ARHGEF18: variants seen among roughly 807,000 people sequenced by gnomAD.
ARHGEF18 encodes the protein Rho/Rac guanine nucleotide exchange factor 18.
ARHGEF18 carries 93 observed loss-of-function variants against 155.7 expected under a neutral mutation model. The observed-to-expected ratio is 0.60, with a 90% confidence interval of 0.50 to 0.71. ARHGEF18 has a LOEUF of 0.71. Ranked by LOEUF, ARHGEF18 falls within the 30% of genes least tolerant of loss-of-function variation. The pLI is 0.00. For missense variants in ARHGEF18, 1,593 were observed against 1,816.1 expected (o/e 0.88, Z 2.23); for synonymous variants, 742 against 753.1 (o/e 0.99, Z 0.24).
chr19:7,382,667 A>G, intron 8 of ARHGEF18, 125 bp from the exon 9 acceptor site: 1 of 488,556 alleles, frequency 2.0e-6, no homozygotes, highest in Non-Finnish European at 3.2e-6. Context: ...GGGCCAGGGA[A>G]GGGGTAAGGC....
Position 7,470,064 on chromosome 19 carries a change from AG to A in ARHGEF18, c.3913+38del. The A allele has an allele frequency of 6.2e-7, 1 of 1,611,296 alleles. No individual in the cohort carries two copies. The highest frequency in any genetic ancestry group is 8.5e-7 in the Non-Finnish European group (1 of 1,179,112). The stretch of plus-strand genomic sequence containing the variant: ...CACCCCCTGACATGAGCCCAGTCCC[AG>A]GGCAGCGGGGCTGCGGCACCACCCG... On this transcript the variant is annotated intron_variant, in intron 28 of 28. Coordinates refer to ENST00000668164, the MANE Select transcript of ARHGEF18 (RefSeq NM_001367823.1). The surrounding 1 kb of genome is among the most constrained non-coding windows in gnomAD (Gnocchi z 5.9).
chr19:7,375,498 G>T (rs1367914370), intron 3 of ARHGEF18, among the ~76,000 whole-genome samples: 1 of 152,176 alleles, frequency 6.6e-6, no homozygotes, highest in Non-Finnish European at 1.5e-5. Flanking sequence ...AGATGCAAAT[G>T]TAGCTCCAAC....
intron 10 of ARHGEF18, among the ~76,000 whole-genome samples, chr19:7,431,510 CAAAAAA>C (rs34609858): frequency 1.4e-4 from 7 of 51,294 alleles, no homozygotes; most frequent in African/African-American, 3.2e-4. Context: ...GACTCCATCT[CAAAAAA>C]AAAAAAAAAA....
At chr19:7,406,937 C>T (rs867362289) in intron 10 of ARHGEF18, among the ~76,000 whole-genome samples, 7 of 151,196 alleles carry the variant, frequency 4.6e-5, no homozygotes, top group South Asian at 2.1e-4. Flanking sequence ...TGGTGGCGGG[C>T]GCCTGTAGTC....
rs1969685129 is a variant in ARHGEF18 at position 7,362,789 on chromosome 19, C to T, written c.-102C>T. 1 of 1,234,074 alleles carries T rather than the reference C, an allele frequency of 8.1e-7. No individual in the cohort carries two copies. The highest frequency in any genetic ancestry group is 1.0e-6 in the Non-Finnish European group (1 of 988,064). 76.4% of individuals were successfully genotyped at this position (1,234,074 alleles called of 1,614,324 possible). On this transcript the variant is annotated 5_prime_UTR_variant, in exon 2 of 29. Coordinates refer to ENST00000668164, the MANE Select transcript of ARHGEF18 (RefSeq NM_001367823.1). Reference sequence around the variant, plus strand: ...CCCTCCTTTCTCCACAGGCTCTGAGCCCAAGTCATGTGTCCAGCCTTTTGA... The same window carrying T: ...CCCTCCTTTCTCCACAGGCTCTGAGTCCAAGTCATGTGTCCAGCCTTTTGA...
intron 1 of ARHGEF18, among the ~76,000 whole-genome samples, chr19:7,360,238 CTT>C (rs373686238): frequency 6.8e-6 from 1 of 146,496 alleles, no homozygotes. Flanking sequence ...CATTCTTTTC[CTT>C]TTTTTTTTTC....
intron 3 of ARHGEF18, among the ~76,000 whole-genome samples, chr19:7,374,323 C>T (rs1459878144): frequency 3.3e-5 from 5 of 152,146 alleles, no homozygotes; most frequent in Non-Finnish European, 5.9e-5. Context: ...CTAACTTGCA[C>T]ATGCATGAAC....
chr19:7,393,376 C>A (rs1213600781), intron 10 of ARHGEF18, among the ~76,000 whole-genome samples: 3 of 152,120 alleles, frequency 2.0e-5, no homozygotes, highest in African/African-American at 7.2e-5. Flanking sequence ...TTGGGGAAAT[C>A]TTTTTTTCTA....
In ARHGEF18 at chr19:7,464,457, T is replaced by C. The variant is rs558798564; in HGVS notation, c.2774-103T>C. The C allele has an allele frequency of 2.1e-6, 3 of 1,447,398 alleles. No homozygotes were observed. The South Asian group carries it at 4.0e-5, about 19-fold the overall frequency. The allele number at this position is 1,447,398 out of a possible 1,614,324, so 89.7% of individuals were successfully genotyped here. A position where few individuals can be genotyped will look rare whatever the true frequency, so the allele number is the denominator to read the frequency against. On this transcript the variant is annotated intron_variant, in intron 22 of 28. Transcript: ENST00000668164. The stretch of plus-strand genomic sequence containing the variant: ...TGCTGCAGACGCCACCATTCGGGCC[T>C]AGCCTGGGTTTCCTACCTGGGCAGG...
At chr19:7,437,635 A>ATTTCTTTTTT (rs139667459) in intron 10 of ARHGEF18, among the ~76,000 whole-genome samples, 56,950 of 147,198 alleles carry the variant, frequency 0.39, 11,618 homozygotes, top group East Asian at 0.59. Context: ...GACAGATCAG[A>ATTTCTTTTTT]TTTCTTTTTT....
At chr19:7,437,016 T>C (rs1206513187) in intron 10 of ARHGEF18, among the ~76,000 whole-genome samples, 1 of 152,232 alleles carries the variant, frequency 6.6e-6, no homozygotes, top group Admixed American at 6.6e-5. Context: ...CAATGTGCTG[T>C]TACACAGCTT....
downstream of ARHGEF18, chr19:7,477,010 T>A (rs1034893239): frequency 1.3e-5 from 6 of 452,600 alleles, no homozygotes; most frequent in African/African-American, 2.0e-5. Flanking sequence ...GCACGGCCCC[T>A]GAAAACTGTC....
intron 15 of ARHGEF18, among the ~76,000 whole-genome samples, chr19:7,447,741 T>C (rs2145811209): frequency 6.6e-6 from 1 of 152,026 alleles, no homozygotes; most frequent in South Asian, 2.1e-4. Context: ...ACGCTGTAAA[T>C]CCAGCACTTC....
rs1317954609 is a variant in ARHGEF18, at chr19:7,470,436, G to A, written c.*138G>A. 1.2e-6 allele frequency: 1 copy of A among 851,654 alleles called. No homozygotes were observed. Among genetic ancestry groups the A allele is most frequent in the African/African-American group, 1.8e-5 (1 of 56,562 alleles). 52.8% of individuals were successfully genotyped at this position (851,654 alleles called of 1,614,324 possible). The stretch of plus-strand genomic sequence containing the variant: ...GCAAACCACTGATGACCGCCTGGCA[G>A]GGGCCAGCCTGTCGGTGCTCTGGGC... On this transcript the variant is annotated 3_prime_UTR_variant, in exon 29 of 29. Transcript: ENST00000668164. The surrounding 1 kb of genome is among the most constrained non-coding windows in gnomAD (Gnocchi z 5.9).
In ARHGEF18 at chr19:7,395,344, C is replaced by T; in HGVS notation, c.967+12141C>T. ...GGCCTGGGGCGCGGGACCCCCGGGG[C>T]TGCCTCGGGCCTCCCGCCGGCTCCT... On this transcript the variant is annotated intron_variant, in intron 10 of 28. Coordinates refer to ENST00000668164, the MANE Select transcript of ARHGEF18 (RefSeq NM_001367823.1). This position sits in a 1 kb window ranked among gnomAD's most constrained non-coding sequence, Gnocchi z 5.0. The T allele has an allele frequency of 1.0e-6, 1 of 980,026 alleles. No homozygotes were observed. 60.7% of individuals were successfully genotyped at this position (980,026 alleles called of 1,614,324 possible). A position where few individuals can be genotyped will look rare whatever the true frequency, so the allele number is the denominator to read the frequency against.
chr19:7,361,063 G>A (rs1969527418), intron 1 of ARHGEF18, among the ~76,000 whole-genome samples: 1 of 152,188 alleles, frequency 6.6e-6, no homozygotes, highest in Non-Finnish European at 1.5e-5. Context: ...CCAAAGCTCT[G>A]CAAGAGGCTC....
intron 10 of ARHGEF18, among the ~76,000 whole-genome samples, chr19:7,436,764 G>T: frequency 6.6e-6 from 1 of 152,194 alleles, no homozygotes; most frequent in East Asian, 1.9e-4. Flanking sequence ...CCTGGGTGGA[G>T]TTGAGTGTTG....
chr19:7,393,099 A>G (rs1971501230), intron 10 of ARHGEF18, among the ~76,000 whole-genome samples: 1 of 151,504 alleles, frequency 6.6e-6, no homozygotes. Flanking sequence ...TCATGCCCCT[A>G]AGTCCATAAG....
intron 10 of ARHGEF18, chr19:7,439,561 G>T: frequency 2.2e-6 from 1 of 446,890 alleles, no homozygotes; most frequent in Non-Finnish European, 3.0e-6. Context: ...ACAGATGGGT[G>T]TAGACAGCGG....
Sources: allele counts gnomAD v4.1 joint callset (sites outside exome capture counted in the v4.1 genomes callset), GRCh38; gene constraint gnomAD v4.1.1; non-coding constraint Gnocchi (gnomAD v3.1); transcripts MANE v1.5; gene names NCBI Gene and HGNC (gene_info 2026-07-23, HGNC 2026-07-21).